The following SMOC2 variants were observed in gnomAD, a reference collection of about 807,000 sequenced individuals.
The protein encoded by SMOC2 is SPARC related modular calcium binding 2.
Under a neutral mutation model 61.4 loss-of-function variants are expected in SMOC2, and 39 were observed. The observed-to-expected ratio is 0.64, with a 90% CI of 0.49 to 0.83. SMOC2 has a LOEUF of 0.83. Ranked by LOEUF, SMOC2 falls within the 40% of genes least tolerant of loss-of-function variation. SMOC2 has a pLI of 0.00. For synonymous variants in SMOC2, 247 were observed against 239.9 expected, an observed-to-expected ratio of 1.03 and a Z score of -0.27; for missense variants, 556 against 592.9, an observed-to-expected ratio of 0.94 and a Z score of 0.65.
chr6:168,484,653 G>A (rs1448447671), intron 1 of SMOC2, among the ~76,000 whole-genome samples: 1 of 152,198 alleles, frequency 6.6e-6, no homozygotes, highest in Non-Finnish European at 1.5e-5. Context: ...CATTTTTATA[G>A]CAGCACTATT....
intron 1 of SMOC2, among the ~76,000 whole-genome samples, chr6:168,502,425 C>T (rs1782751936): frequency 6.6e-6 from 1 of 152,236 alleles, no homozygotes; most frequent in African/African-American, 2.4e-5. Flanking sequence ...CGATGGCCCT[C>T]CATGCCCTGC....
chr6:168,558,816 TGC>T lies in SMOC2; in HGVS notation c.637+9615_637+9616del, dbSNP rs199833466. 6.5e-4 allele frequency among the ~76,000 whole-genome samples: 99 copies of T among 151,872 alleles called. 2 individuals carry two copies. The East Asian group carries it at 0.018, about 27-fold the overall frequency. On this transcript the variant is annotated intron_variant, in intron 7 of 12. Coordinates refer to ENST00000356284, the MANE Select transcript of SMOC2 (RefSeq NM_001166412.2). ...GTGTGCGTGTGCGCATGTGTGTGTG[TGC>T]GTATGTGCATGTGTGTGCACGTGTG...
intron 8 of SMOC2, among the ~76,000 whole-genome samples, chr6:168,599,377 C>A: frequency 7.1e-6 from 1 of 140,968 alleles, no homozygotes; most frequent in East Asian, 2.4e-4. Flanking sequence ...TCATACCACA[C>A]ACACCCACAC....
At chr6:168,497,446 G>A (rs1175586513) in intron 1 of SMOC2, among the ~76,000 whole-genome samples, 1 of 152,186 alleles carries the variant, frequency 6.6e-6, no homozygotes, top group Admixed American at 6.5e-5. Context: ...AGGTATCTGT[G>A]GCCTCCGCGG....
intron 1 of SMOC2, among the ~76,000 whole-genome samples, chr6:168,442,390 C>T (rs920993251): frequency 6.6e-6 from 1 of 152,256 alleles, no homozygotes; most frequent in Non-Finnish European, 1.5e-5. Context: ...GCCGGCCAAG[C>T]CAACCCGCGG....
At chr6:168,643,231 G>A (rs562695786) in intron 9 of SMOC2, among the ~76,000 whole-genome samples, 77 of 152,270 alleles carry the variant, frequency 5.1e-4, no homozygotes, top group Non-Finnish European at 9.6e-4. Context: ...CCCACAGAGG[G>A]AGCACTGTCA....
At chr6:168,501,064 A>G (rs1026833308) in intron 1 of SMOC2, among the ~76,000 whole-genome samples, 8 of 152,052 alleles carry the variant, frequency 5.3e-5, no homozygotes, top group African/African-American at 1.9e-4. Flanking sequence ...AACACTTCTG[A>G]CCCCTAAGAA....
rs7767411 is a variant in SMOC2 at position 168,601,336 on chromosome 6, C to T, written c.824+2332C>T. 9.1e-3 allele frequency among the ~76,000 whole-genome samples: 1,379 copies of T among 152,302 alleles called. 25 individuals are homozygous for T. The highest frequency in any genetic ancestry group is 0.031 in the African/African-American group (1,305 of 41,560). ...CCACCGTCCGGCCGCCCTGGCTGAC[C>T]GCCTGCTCTCGACACCCCACTCAGC... On this transcript the variant is annotated intron_variant, in intron 8 of 12. Coordinates refer to ENST00000356284, the MANE Select transcript of SMOC2 (RefSeq NM_001166412.2).
At chr6:168,550,386 G>A (rs1480193552) in intron 7 of SMOC2, among the ~76,000 whole-genome samples, 4 of 152,124 alleles carry the variant, frequency 2.6e-5, no homozygotes, top group Non-Finnish European at 4.4e-5. Flanking sequence ...AGAGTGGTTC[G>A]ATTCCCCCTT....
At chr6:168,631,366 G>C (rs1370768086) in intron 9 of SMOC2, among the ~76,000 whole-genome samples, 1 of 152,164 alleles carries the variant, frequency 6.6e-6, no homozygotes, top group Non-Finnish European at 1.5e-5. Context: ...CAGTGTGCTG[G>C]GTTTGAAGTA....
intron 1 of SMOC2, among the ~76,000 whole-genome samples, chr6:168,504,477 G>A (rs554499839): frequency 1.1e-4 from 17 of 151,228 alleles, no homozygotes; most frequent in South Asian, 4.3e-4. Flanking sequence ...CCTCAGATGC[G>A]CAGTTCACAA....
At chr6:168,578,374 C>G (rs1784852775) in intron 7 of SMOC2, among the ~76,000 whole-genome samples, 1 of 152,240 alleles carries the variant, frequency 6.6e-6, no homozygotes, top group South Asian at 2.1e-4. Context: ...GTGTTTGGAG[C>G]TGGAAAGTGC....
chr6:168,454,540 C>T (rs188898136), intron 1 of SMOC2, among the ~76,000 whole-genome samples: 2 of 152,254 alleles, frequency 1.3e-5, no homozygotes, highest in East Asian at 3.9e-4. Context: ...GCGGCTCTGA[C>T]AGGTTCTGCA....
At chr6:168,529,026 G>A (rs764877614) in intron 4 of SMOC2, among the ~76,000 whole-genome samples, 2 of 152,174 alleles carry the variant, frequency 1.3e-5, no homozygotes, top group Non-Finnish European at 1.5e-5. Flanking sequence ...TTGCTTTAGT[G>A]ATATCATCTG....
At chr6:168,547,012 T>C in intron 5 of SMOC2, 107 bp from the exon 6 acceptor site, 1 of 1,351,134 alleles carries the variant, frequency 7.4e-7, no homozygotes, top group Non-Finnish European at 1.1e-6. Flanking sequence ...TTGTGGTTGA[T>C]CTGTGGGGAC....
chr6:168,566,947 A>T (rs997471780), intron 7 of SMOC2, among the ~76,000 whole-genome samples: 65 of 152,324 alleles, frequency 4.3e-4, no homozygotes, highest in African/African-American at 1.5e-3. Flanking sequence ...GGAAAATAGG[A>T]GACAGGCCCG....
intron 4 of SMOC2, among the ~76,000 whole-genome samples, chr6:168,538,477 C>G (rs547362071): frequency 2.0e-3 from 32 of 16,332 alleles, no homozygotes; most frequent in South Asian, 9.7e-3. Context: ...TGGGGGAGTG[C>G]GGTGACCGCT....
At position 168,493,917 on chromosome 6, in the gene SMOC2, AGAG is replaced by A. The variant is rs368208697; in HGVS notation, c.85-15994_85-15992del. On this transcript the variant is annotated intron_variant, in intron 1 of 12. Transcript: ENST00000356284. ...TCAGTGTCTGCCAAGAATAACTTCC[AGAG>A]GAGTTGTTCTTCAAAAAACAAAATT... 3.3e-4 allele frequency among the ~76,000 whole-genome samples: 51 copies of A among 152,290 alleles called. 1 individual carries two copies. The East Asian group carries it at 7.0e-3, about 21-fold the overall frequency.
At chr6:168,639,677 C>T (rs1786841509) in intron 9 of SMOC2, among the ~76,000 whole-genome samples, 1 of 152,194 alleles carries the variant, frequency 6.6e-6, no homozygotes, top group Non-Finnish European at 1.5e-5. Context: ...GACATTCTGG[C>T]AAATACTTGG....
Sources: gnomAD v4.1 joint callset for allele counts (sites outside exome capture counted in the v4.1 genomes callset) on GRCh38, gnomAD v4.1.1 for gene constraint, MANE v1.5 for transcripts, NCBI Gene and HGNC (gene_info 2026-07-23, HGNC 2026-07-21) for gene names.